SLC9A3: variants seen among roughly 807,000 people sequenced by gnomAD.
SLC9A3 encodes solute carrier family 9 member A3, also known as sodium/hydrogen exchanger 3.
SLC9A3 carries 37 observed loss-of-function variants against 86.8 expected under a neutral mutation model. The ratio of observed to expected loss-of-function variants is 0.43; its 90% CI spans 0.33 to 0.56. The LOEUF (loss-of-function observed/expected upper bound fraction) is 0.56. Among genes scored for constraint, SLC9A3 ranks in the 20% least tolerant of loss-of-function variants. The pLI, the probability that SLC9A3 is intolerant of heterozygous loss-of-function variation, is 0.06. For missense variants in SLC9A3, 1,011 were observed against 1,171.9 expected, an observed-to-expected ratio of 0.86 and a Z score of 2.00; for synonymous variants, 581 against 528.3, an observed-to-expected ratio of 1.10 and a Z score of -1.37.
rs535137860 is a variant in SLC9A3, at chr5:496,629, A to G, written c.212-4558T>C. Among the ~76,000 whole-genome samples the G allele has an allele frequency of 6.6e-6, 1 of 152,256 alleles. No homozygotes were observed. Among genetic ancestry groups the G allele is most frequent in the East Asian group, 1.9e-4 (1 of 5,178 alleles). On this transcript the variant is annotated intron_variant, in intron 1 of 16. Coordinates refer to ENST00000264938, the MANE Select transcript of SLC9A3 (RefSeq NM_004174.4). The surrounding 1 kb of genome is among the most constrained non-coding windows in gnomAD (Gnocchi z 4.7). ...CTCCATGCGAACGTCTTTTCTTTTT[A>G]TAGTTAAATTTATTGGTCTTTTGTT...
chr5:486,121 G>A (rs1000531992), intron 3 of SLC9A3, among the ~76,000 whole-genome samples: 1 of 152,210 alleles, frequency 6.6e-6, no homozygotes, highest in Non-Finnish European at 1.5e-5. Flanking sequence ...GAACATGAGA[G>A]GCTGACGGGT....
chr5:471,544 G>C lies in SLC9A3; in HGVS notation c.*1835C>G. The C allele has an allele frequency of 2.9e-6, 1 of 350,826 alleles. No homozygotes were observed. Among genetic ancestry groups the C allele is most frequent in the South Asian group, 2.2e-5 (1 of 46,424 alleles). 21.7% of individuals were successfully genotyped at this position (350,826 alleles called of 1,614,324 possible). A position where few individuals can be genotyped will look rare whatever the true frequency, so the allele number is the denominator to read the frequency against. On this transcript the variant is annotated 3_prime_UTR_variant, in exon 17 of 17. Transcript: ENST00000264938. Reference sequence around the variant, plus strand: ...ACTTGTGCCGGGAAGGCCAGGCCCCGGCCTGCTCCGATGAACGTCAGGACG... The same window carrying C: ...ACTTGTGCCGGGAAGGCCAGGCCCCCGCCTGCTCCGATGAACGTCAGGACG...
chr5:521,997 C>T lies in SLC9A3; in HGVS notation c.211+2115G>A, dbSNP rs138760895. Among the ~76,000 whole-genome samples the T allele has an allele frequency of 6.2e-3, 941 of 152,304 alleles. 13 individuals carry two copies. Among genetic ancestry groups the T allele is most frequent in the Middle Eastern group, 0.041 (12 of 294 alleles). ...CAGAGCAGACCTCAGCTGTCACTGC[C>T]GGGGCTGCAGAGTGCACAGTGGGTT... On this transcript the variant is annotated intron_variant, in intron 1 of 16. Transcript: ENST00000264938.
chr5:483,566 G>C (rs1739323431), intron 5 of SLC9A3, 84 bp from the exon 6 acceptor site: 1 of 941,494 alleles, frequency 1.1e-6, no homozygotes, highest in African/African-American at 1.6e-5. Flanking sequence ...CCACGGCCTG[G>C]CGCCTGTAGG....
At position 471,760 on chromosome 5, in the gene SLC9A3, C is replaced by A. The variant is rs1472343735; in HGVS notation, c.*1619G>T. The A allele has an allele frequency of 2.2e-6, 1 of 456,304 alleles. No homozygotes were observed. The highest frequency in any genetic ancestry group is 4.4e-6 in the Non-Finnish European group (1 of 226,848). The allele number at this position is 456,304 out of a possible 1,614,324, so 28.3% of individuals were successfully genotyped here. On this transcript the variant is annotated 3_prime_UTR_variant, in exon 17 of 17. Coordinates refer to ENST00000264938, the MANE Select transcript of SLC9A3 (RefSeq NM_004174.4). Reference sequence around the variant, plus strand: ...GATCTGATCCAAGTAACAGTGACTGCAGTTAGGGTCGAGAGCTTCTCCGAA... The same window carrying A: ...GATCTGATCCAAGTAACAGTGACTGAAGTTAGGGTCGAGAGCTTCTCCGAA...
chr5:518,476 G>A (rs997338665), intron 1 of SLC9A3, among the ~76,000 whole-genome samples: 5 of 152,008 alleles, frequency 3.3e-5, no homozygotes, highest in East Asian at 3.9e-4. Context: ...AACCTGGCAC[G>A]CCAACACCTG....
intron 5 of SLC9A3, among the ~76,000 whole-genome samples, chr5:483,693 A>AAT (rs1739330091): frequency 6.6e-6 from 1 of 152,206 alleles, no homozygotes; most frequent in Non-Finnish European, 1.5e-5. Context: ...TCATGCAGAT[A>AAT]ATGGGCACCG....
chr5:470,947 A>G lies in SLC9A3; in HGVS notation c.*2432T>C, dbSNP rs1738319633. The G allele has an allele frequency of 6.6e-6, 1 of 152,382 alleles. No individual in the cohort carries two copies. The allele number at this position is 152,382 out of a possible 1,614,324, so 9.4% of individuals were successfully genotyped here. ...GACTGTTTACCTTCTGTTTGACAGC[A>G]GTGACAGGAACGTGGGGATCCCCAC... On this transcript the variant is annotated 3_prime_UTR_variant, in exon 17 of 17. Coordinates refer to ENST00000264938, the MANE Select transcript of SLC9A3 (RefSeq NM_004174.4).
chr5:520,408 G>T (rs949022098), intron 1 of SLC9A3, among the ~76,000 whole-genome samples: 1 of 152,162 alleles, frequency 6.6e-6, no homozygotes, highest in African/African-American at 2.4e-5. Context: ...AGAGCCCCCC[G>T]AAGGGTTGAG....
In SLC9A3 at chr5:523,968, C is replaced by T. The variant is rs1579837377; in HGVS notation, c.211+144G>A. 10 of 457,552 alleles carry T rather than the reference C, an allele frequency of 2.2e-5. No individual in the cohort carries two copies. In the East Asian group the frequency reaches 3.2e-4, roughly 15 times the overall value. 28.3% of individuals were successfully genotyped at this position (457,552 alleles called of 1,614,324 possible). A position where few individuals can be genotyped will look rare whatever the true frequency, so the allele number is the denominator to read the frequency against. ...CGGCCAGAGTCGCTCCCGAGTCTCG[C>T]TCTGCTGGACCCGAGAGCCGGACTC... On this transcript the variant is annotated intron_variant, in intron 1 of 16. Coordinates refer to ENST00000264938, the MANE Select transcript of SLC9A3 (RefSeq NM_004174.4).
chr5:484,731 C>T (rs770373737), intron 4 of SLC9A3, 34 bp from the exon 5 acceptor site: 1 of 1,602,392 alleles, frequency 6.2e-7, no homozygotes, highest in Non-Finnish European at 8.5e-7. Context: ...GCCGTGCCGG[C>T]CTTCCGGGCC....
chr5:476,636 C>T lies in SLC9A3; in HGVS notation c.1797G>A (p.Gln599=). The T allele has an allele frequency of 6.2e-7, 1 of 1,608,492 alleles. No homozygotes were observed. Among genetic ancestry groups the T allele is most frequent in the Non-Finnish European group, 8.5e-7 (1 of 1,179,886 alleles). Residue 599 remains glutamine, a synonymous_variant, in exon 12 of 17, where the codon CAG becomes CAA. Coordinates refer to ENST00000264938, the MANE Select transcript of SLC9A3 (RefSeq NM_004174.4). ...TGCTCCGCCGTCGCTGCTCCAGAGA[C>T]TGCATGTCCAGGCAGACAGCGCTGA... The part of the protein sequence containing the change: ...ENVSAVCLDM[Q]SLEQRRRSIR...
intron 4 of SLC9A3, 27 bp downstream of exon 4, chr5:485,126 C>T: frequency 6.4e-7 from 1 of 1,570,120 alleles, no homozygotes; most frequent in Non-Finnish European, 8.8e-7. Context: ...CACGGCCGCC[C>T]ACTCCCCCTG....
Position 477,401 on chromosome 5 carries a change from G to T in SLC9A3, c.1691C>A (p.Thr564Asn). ...GSLAFIRSPS[T>N]DNVVNVDFTP... Reference sequence around the variant, plus strand: ...GAAGTCCACGTTGACCACGTTGTCGGTGCTGGGGGAGCGGATGAAGGCCAG... The same window carrying T: ...GAAGTCCACGTTGACCACGTTGTCGTTGCTGGGGGAGCGGATGAAGGCCAG... The change falls in exon 11 of 17, where the codon ACC becomes AAC. Residue 564 changes from threonine (T) to asparagine (N), a missense_variant. Thr to Asn is a moderately conservative substitution (Grantham distance 65, BLOSUM62 0). This residue lies in a region of SLC9A3 where 565 missense variants were observed against 790.0 expected (regional missense o/e 0.72). Transcript: ENST00000264938. 6.2e-7 allele frequency: 1 copy of T among 1,613,224 alleles called. No individual in the cohort carries two copies. The highest frequency in any genetic ancestry group is 8.5e-7 in the Non-Finnish European group (1 of 1,179,844).
In SLC9A3 at chr5:497,475, C is replaced by T. The variant is rs1468071503; in HGVS notation, c.212-5404G>A. Among the ~76,000 whole-genome samples the T allele has an allele frequency of 6.6e-6, 1 of 152,226 alleles. No individual in the cohort carries two copies. Among genetic ancestry groups the T allele is most frequent in the Non-Finnish European group, 1.5e-5 (1 of 68,044 alleles). ...TGGGCACCGGGACTGCTGTGAAGGA[C>T]ACAGTCAGCCGGACTTTGCTTAGTT... On this transcript the variant is annotated intron_variant, in intron 1 of 16. Coordinates refer to ENST00000264938, the MANE Select transcript of SLC9A3 (RefSeq NM_004174.4). The surrounding 1 kb of genome is among the most constrained non-coding windows in gnomAD (Gnocchi z 5.4).
At position 473,249 on chromosome 5, in the gene SLC9A3, G is replaced by A; in HGVS notation, c.*130C>T. The A allele has an allele frequency of 9.7e-7, 1 of 1,032,092 alleles. No homozygotes were observed. Among genetic ancestry groups the A allele is most frequent in the Non-Finnish European group, 1.2e-6 (1 of 806,434 alleles). The allele number at this position is 1,032,092 out of a possible 1,614,324, so 63.9% of individuals were successfully genotyped here. A position where few individuals can be genotyped will look rare whatever the true frequency, so the allele number is the denominator to read the frequency against. On this transcript the variant is annotated 3_prime_UTR_variant, in exon 17 of 17. Transcript: ENST00000264938. Reference sequence around the variant, plus strand: ...TCTGCGCAGGCGCTGGCGTGGGCGAGGCGGGGCTCGGGGCTCGCGGTCGCT... The same window carrying A: ...TCTGCGCAGGCGCTGGCGTGGGCGAAGCGGGGCTCGGGGCTCGCGGTCGCT...
At chr5:501,663 C>T (rs76469495) in intron 1 of SLC9A3, among the ~76,000 whole-genome samples, 2,858 of 152,334 alleles carry the variant, frequency 0.019, 80 homozygotes, top group African/African-American at 0.062. Context: ...CTCTGCCACC[C>T]GCCCCTGCAG....
Position 479,738 on chromosome 5 carries a change from C to T in SLC9A3, c.1647+98G>A, listed in dbSNP as rs577378884. 150 of 1,307,552 alleles carry T rather than the reference C, an allele frequency of 1.1e-4. No homozygotes were observed. The South Asian group carries it at 1.4e-3, about 12-fold the overall frequency. 81.0% of individuals were successfully genotyped at this position (1,307,552 alleles called of 1,614,324 possible). ...TGCTGGGGTGGGCCTGGCCTTGGGA[C>T]GCGGGTGCAGGGGCCTCTCCTCACT... On this transcript the variant is annotated intron_variant, in intron 10 of 16. Transcript: ENST00000264938.
intron 1 of SLC9A3, among the ~76,000 whole-genome samples, chr5:493,945 ATGGCCTGCAATGAGGGAGGGCC>A (rs1174604109): frequency 7.9e-5 from 12 of 152,206 alleles, no homozygotes; most frequent in African/African-American, 2.4e-4. Context: ...AGGGGAGGGC[ATGGCCTGCAATGAGGGAGGGCC>A]TGGCCTGGAA....
Sources: gnomAD v4.1 joint callset for allele counts (sites outside exome capture counted in the v4.1 genomes callset) on GRCh38, gnomAD v4.1.1 for gene constraint, gnomAD v4.1.1 regional missense constraint, Gnocchi (gnomAD v3.1) non-coding constraint, MANE v1.5 for transcripts, NCBI Gene and HGNC (gene_info 2026-07-23, HGNC 2026-07-21) for gene names.